The following KIAA1328 variants were observed in gnomAD, a reference collection of about 807,000 sequenced individuals.
The protein encoded by KIAA1328 is protein hinderin.
In KIAA1328, 52 loss-of-function variants were observed where a neutral mutation model predicts 68.1. The observed-to-expected ratio is 0.76, with a 90% CI of 0.61 to 0.96. KIAA1328 has a LOEUF of 0.96. KIAA1328 is among the 40% of genes least tolerant of loss of function. The pLI is 0.00. For missense variants in KIAA1328, 641 were observed against 677.6 expected, an observed-to-expected ratio of 0.95 and a Z score of 0.60; for synonymous variants, 232 against 239.4, an observed-to-expected ratio of 0.97 and a Z score of 0.28.
chr18:36,882,896 G>A (rs2048369285), intron 4 of KIAA1328, among the ~76,000 whole-genome samples: 1 of 151,926 alleles, frequency 6.6e-6, no homozygotes, highest in East Asian at 1.9e-4. Flanking sequence ...GTTTGTTGAA[G>A]AAAAAAATCT....
chr18:37,044,285 G>A (rs971530526), intron 6 of KIAA1328, among the ~76,000 whole-genome samples: 1 of 152,010 alleles, frequency 6.6e-6, no homozygotes, highest in Admixed American at 6.6e-5. Context: ...GGAATTATGG[G>A]GAATGCAGAC....
chr18:36,906,260 A>G (rs2049216912), intron 5 of KIAA1328, among the ~76,000 whole-genome samples: 1 of 152,110 alleles, frequency 6.6e-6, no homozygotes, highest in Non-Finnish European at 1.5e-5. Context: ...GTGTTTTAAC[A>G]AATACAAAGT....
intron 5 of KIAA1328, among the ~76,000 whole-genome samples, chr18:36,888,961 C>G (rs1044330785): frequency 6.6e-6 from 1 of 152,062 alleles, no homozygotes; most frequent in African/African-American, 2.4e-5. Context: ...ATTATACCAA[C>G]ATTTATGGGG....
chr18:36,965,803 G>A (rs372165703), intron 6 of KIAA1328, among the ~76,000 whole-genome samples: 2 of 151,234 alleles, frequency 1.3e-5, no homozygotes, highest in African/African-American at 2.4e-5. Flanking sequence ...TGTACTTAAT[G>A]TGTAATATAT....
At chr18:37,013,279 A>G (rs950972067) in intron 6 of KIAA1328, among the ~76,000 whole-genome samples, 2 of 152,310 alleles carry the variant, frequency 1.3e-5, no homozygotes, top group Admixed American at 6.5e-5. Context: ...TACTTATATG[A>G]CCTTTGAAAA....
At chr18:37,004,568 C>T (rs1265897776) in intron 6 of KIAA1328, among the ~76,000 whole-genome samples, 1 of 152,042 alleles carries the variant, frequency 6.6e-6, no homozygotes, top group Non-Finnish European at 1.5e-5. Flanking sequence ...TACAACCTTA[C>T]TCCTGCAAGA....
At chr18:36,998,290 C>T (rs1306834543) in intron 6 of KIAA1328, among the ~76,000 whole-genome samples, 9 of 152,152 alleles carry the variant, frequency 5.9e-5, no homozygotes, top group East Asian at 1.9e-4. Context: ...AACCTATAAG[C>T]GCCACTTGTG....
intron 6 of KIAA1328, among the ~76,000 whole-genome samples, chr18:37,031,294 T>A (rs1251110095): frequency 1.3e-5 from 2 of 152,164 alleles, no homozygotes; most frequent in Non-Finnish European, 2.9e-5. Flanking sequence ...CAACCATGAT[T>A]GTGGGGTTTT....
chr18:36,921,549 G>T (rs571816273), intron 5 of KIAA1328, among the ~76,000 whole-genome samples: 1 of 151,588 alleles, frequency 6.6e-6, no homozygotes, highest in Non-Finnish European at 1.5e-5. Flanking sequence ...GACTACAGGC[G>T]CCCACCACCA....
chr18:36,903,754 G>C (rs910551346), intron 5 of KIAA1328: 1 of 152,106 alleles, frequency 6.6e-6, no homozygotes, highest in African/African-American at 2.4e-5. Context: ...CATTCAAAAA[G>C]TGTTATTTAT....
At chr18:37,031,758 T>G (rs922836083) in intron 6 of KIAA1328, among the ~76,000 whole-genome samples, 1 of 152,256 alleles carries the variant, frequency 6.6e-6, no homozygotes, top group African/African-American at 2.4e-5. Flanking sequence ...TAGGGTTTTT[T>G]TAACCTTCTT....
At chr18:37,075,859 C>T (rs2151770424) in intron 7 of KIAA1328, among the ~76,000 whole-genome samples, 1 of 152,298 alleles carries the variant, frequency 6.6e-6, no homozygotes, top group African/African-American at 2.4e-5. Flanking sequence ...TACAAAGAGA[C>T]TTAGACTCCC....
At chr18:37,044,748 G>A (rs924466160) in intron 6 of KIAA1328, among the ~76,000 whole-genome samples, 9 of 148,890 alleles carry the variant, frequency 6.0e-5, no homozygotes, top group African/African-American at 9.9e-5. Flanking sequence ...GCAGTGAGCC[G>A]AGATCGCGCC....
At chr18:37,053,658 G>A (rs928485515) in intron 6 of KIAA1328, among the ~76,000 whole-genome samples, 1 of 152,078 alleles carries the variant, frequency 6.6e-6, no homozygotes, top group African/African-American at 2.4e-5. Flanking sequence ...CACATGGCTT[G>A]GTAGGCCTCC....
chr18:36,860,288 A>T (rs895778357), intron 4 of KIAA1328, among the ~76,000 whole-genome samples: 3 of 152,142 alleles, frequency 2.0e-5, no homozygotes, highest in Non-Finnish European at 4.4e-5. Flanking sequence ...TCATTAAGTC[A>T]TCTTGATTAT....
At chr18:37,188,241 C>T (rs1481826917) in intron 9 of KIAA1328, among the ~76,000 whole-genome samples, 2 of 152,186 alleles carry the variant, frequency 1.3e-5, no homozygotes, top group African/African-American at 4.8e-5. Context: ...CCTGTGCCTG[C>T]TGTCTTCACA....
chr18:37,141,234 C>A (rs2058757884), intron 7 of KIAA1328, among the ~76,000 whole-genome samples: 1 of 152,112 alleles, frequency 6.6e-6, no homozygotes, highest in Non-Finnish European at 1.5e-5. Context: ...CACCTTATAC[C>A]ACTTTTTGAT....
intron 6 of KIAA1328, among the ~76,000 whole-genome samples, chr18:37,007,312 G>A (rs2053819170): frequency 6.6e-6 from 1 of 152,118 alleles, no homozygotes; most frequent in Non-Finnish European, 1.5e-5. Flanking sequence ...TTGTTGAGTG[G>A]CTACTCTCAG....
In KIAA1328 at chr18:37,117,134, C is replaced by T. The variant is rs147917679; in HGVS notation, c.1233-43066C>T. Among the ~76,000 whole-genome samples, 7 of 152,184 alleles carry T rather than the reference C, an allele frequency of 4.6e-5. No homozygotes were observed. The East Asian group carries it at 1.4e-3, about 29-fold the overall frequency. ...CTCAGGGATCTAGAACTAGAAATAC[C>T]ATTTGACCCGGCCATCCCAAGGGAT... On this transcript the variant is annotated intron_variant, in intron 7 of 9. Coordinates refer to ENST00000280020, the MANE Select transcript of KIAA1328 (RefSeq NM_020776.3).
Sources: gnomAD v4.1 joint callset for allele counts (sites outside exome capture counted in the v4.1 genomes callset) on GRCh38, gnomAD v4.1.1 for gene constraint, MANE v1.5 for transcripts, NCBI Gene and HGNC (gene_info 2026-07-23, HGNC 2026-07-21) for gene names.